The following NLGN1 variants were observed in gnomAD, a reference collection of about 807,000 sequenced individuals.
The protein encoded by NLGN1 is neuroligin 1.
In NLGN1, 12 loss-of-function variants were observed where a neutral mutation model predicts 65.5. The observed-to-expected ratio is 0.18, with a 90% CI of 0.12 to 0.30. The LOEUF (loss-of-function observed/expected upper bound fraction) is 0.30. Among genes scored for constraint, NLGN1 ranks in the 10% least tolerant of loss-of-function variants. The pLI is 1.00. For missense variants in NLGN1, 750 were observed against 1,007.1 expected (o/e 0.74, Z 3.46); for synonymous variants, 350 against 359.5 (o/e 0.97, Z 0.30).
chr3:173,460,007 T>C (rs1446891744), intron 2 of NLGN1, among the ~76,000 whole-genome samples: 1 of 152,096 alleles, frequency 6.6e-6, no homozygotes, highest in African/African-American at 2.4e-5. Context: ...TATTTTTTGC[T>C]GTGGGATTCT....
intron 3 of NLGN1, among the ~76,000 whole-genome samples, chr3:173,777,457 C>G (rs1175148108): frequency 6.6e-6 from 1 of 151,764 alleles, no homozygotes; most frequent in African/African-American, 2.4e-5. Flanking sequence ...ATGTAATGAT[C>G]AAATCAGGAT....
chr3:174,158,928 C>CT (rs1200651194), intron 4 of NLGN1, among the ~76,000 whole-genome samples: 1 of 151,606 alleles, frequency 6.6e-6, no homozygotes, highest in Non-Finnish European at 1.5e-5. Flanking sequence ...CTCCTTACTA[C>CT]TACTGAGTGC....
At chr3:173,622,373 GCTGTTTC>G (rs1415963863) in intron 3 of NLGN1, among the ~76,000 whole-genome samples, 1 of 152,042 alleles carries the variant, frequency 6.6e-6, no homozygotes, top group African/African-American at 2.4e-5. Flanking sequence ...GACTGGTTAG[GCTGTTTC>G]CTGAGACTCA....
At chr3:174,260,066 T>G (rs1361035772) in intron 4 of NLGN1, among the ~76,000 whole-genome samples, 1 of 152,140 alleles carries the variant, frequency 6.6e-6, no homozygotes, top group African/African-American at 2.4e-5. Context: ...TGCCACATTT[T>G]CTTAATCCAG....
intron 1 of NLGN1, among the ~76,000 whole-genome samples, chr3:173,417,581 G>T (rs1175352038): frequency 6.6e-6 from 1 of 151,852 alleles, no homozygotes; most frequent in Admixed American, 6.6e-5. Context: ...GACACTAATA[G>T]GAATTATTTT....
At position 174,270,148 on chromosome 3, in the gene NLGN1, C is replaced by T. The variant is rs183054996; in HGVS notation, c.647-5167C>T. Among the ~76,000 whole-genome samples, 53 of 127,022 alleles carry T rather than the reference C, an allele frequency of 4.2e-4. 1 individual carries two copies. The highest frequency in any genetic ancestry group is 1.4e-3 in the African/African-American group (47 of 33,618). 83.3% of individuals were successfully genotyped at this position (127,022 alleles called of 152,430 possible). ...TTCTTTTTTTTTTTTTTTTGATGTGCAGATGTTTTGAAGTTTGATGTAGTC... is the reference window on the plus strand; with the variant it reads ...TTCTTTTTTTTTTTTTTTTGATGTGTAGATGTTTTGAAGTTTGATGTAGTC... On this transcript the variant is annotated intron_variant, in intron 4 of 6. Transcript: ENST00000457714.
intron 3 of NLGN1, among the ~76,000 whole-genome samples, chr3:173,795,519 CAA>C (rs1474314505): frequency 1.3e-5 from 2 of 151,992 alleles, no homozygotes; most frequent in Non-Finnish European, 2.9e-5. Flanking sequence ...TCTGTATTCT[CAA>C]AAGTTATGTA....
intron 4 of NLGN1, among the ~76,000 whole-genome samples, chr3:174,272,643 T>A (rs1749617678): frequency 6.9e-6 from 1 of 145,888 alleles, no homozygotes; most frequent in Non-Finnish European, 1.5e-5. Context: ...TTTCAGATGA[T>A]GATATGGATG....
chr3:173,463,272 G>A (rs1009548277), intron 2 of NLGN1, among the ~76,000 whole-genome samples: 1 of 152,090 alleles, frequency 6.6e-6, no homozygotes, highest in Admixed American at 6.6e-5. Flanking sequence ...AAAAACATGA[G>A]TAGAACATTA....
chr3:174,041,287 G>A (rs930980131), intron 4 of NLGN1, among the ~76,000 whole-genome samples: 1 of 152,026 alleles, frequency 6.6e-6, no homozygotes, highest in Non-Finnish European at 1.5e-5. Flanking sequence ...ATTATTTTGA[G>A]ATCTATCTAT....
intron 2 of NLGN1, among the ~76,000 whole-genome samples, chr3:173,460,887 A>G (rs975078388): frequency 5.9e-5 from 9 of 152,138 alleles, no homozygotes; most frequent in Non-Finnish European, 1.3e-4. Flanking sequence ...AGAGCTGCCT[A>G]GGGAATGCTC....
At chr3:173,800,392 TC>T in intron 3 of NLGN1, 1 of 796,252 alleles carries the variant, frequency 1.3e-6, no homozygotes, top group Non-Finnish European at 1.7e-6. Flanking sequence ...GACAAGGGCC[TC>T]AATCACTTTT....
chr3:173,666,568 C>T (rs1199448665), intron 3 of NLGN1, among the ~76,000 whole-genome samples: 2 of 152,024 alleles, frequency 1.3e-5, no homozygotes, highest in African/African-American at 4.8e-5. Context: ...AAGGATGTCT[C>T]CTTATAGAAA....
rs118045399 is a variant in NLGN1, at chr3:174,033,735, G to A, written c.646+225903G>A. ...AAAGAATCAATGAGCAGGAAGATAGGACAACGGAAACTTCCAAAACTGAAA... is the reference window on the plus strand; with the variant it reads ...AAAGAATCAATGAGCAGGAAGATAGAACAACGGAAACTTCCAAAACTGAAA... On this transcript the variant is annotated intron_variant, in intron 4 of 6. Coordinates refer to ENST00000457714, the Ensembl canonical transcript of NLGN1. Among the ~76,000 whole-genome samples the A allele has an allele frequency of 1.2e-3, 185 of 152,218 alleles. 1 individual carries two copies. The East Asian group carries it at 0.023, about 19-fold the overall frequency.
At chr3:173,482,517 A>T (rs1194890268) in intron 2 of NLGN1, among the ~76,000 whole-genome samples, 1 of 151,984 alleles carries the variant, frequency 6.6e-6, no homozygotes, top group African/African-American at 2.4e-5. Flanking sequence ...ATTATAAAAC[A>T]TTTCTTGATT....
intron 2 of NLGN1, among the ~76,000 whole-genome samples, chr3:173,529,208 A>C (rs1361217931): frequency 1.3e-5 from 2 of 152,116 alleles, no homozygotes; most frequent in East Asian, 1.9e-4. Context: ...GGTCCTGTGC[A>C]CTTCTGTTGG....
At chr3:173,875,774 C>T (rs2150895629) in intron 4 of NLGN1, among the ~76,000 whole-genome samples, 1 of 152,214 alleles carries the variant, frequency 6.6e-6, no homozygotes, top group Admixed American at 6.5e-5. Flanking sequence ...AAGCTTCTTC[C>T]TCTCTGAAGT....
chr3:173,787,487 A>G (rs911118269), intron 3 of NLGN1, among the ~76,000 whole-genome samples: 2 of 152,220 alleles, frequency 1.3e-5, no homozygotes, highest in Admixed American at 6.5e-5. Flanking sequence ...TTGGCTTCCA[A>G]TAGTTAATAT....
intron 4 of NLGN1, among the ~76,000 whole-genome samples, chr3:173,992,416 C>A (rs1471019821): frequency 6.6e-6 from 1 of 151,846 alleles, no homozygotes; most frequent in Non-Finnish European, 1.5e-5. Flanking sequence ...TTGAGAAAGT[C>A]TTTTTTTTAC....
Sources: gnomAD v4.1 joint callset for allele counts (sites outside exome capture counted in the v4.1 genomes callset) on GRCh38, gnomAD v4.1.1 for gene constraint, MANE v1.5 for transcripts, NCBI Gene and HGNC (gene_info 2026-07-23, HGNC 2026-07-21) for gene names.